Variants in FRMD7 observed in about 807,000 individuals in gnomAD.
FRMD7 encodes the protein FERM domain-containing protein 7.
Under a neutral mutation model 44.1 loss-of-function variants are expected in FRMD7, and 14 were observed. The observed-to-expected ratio is 0.32, with a 90% CI of 0.21 to 0.50. The LOEUF (loss-of-function observed/expected upper bound fraction) is 0.50, where lower values mean the gene tolerates loss of function less well. Ranked by LOEUF, FRMD7 falls within the 20% of genes least tolerant of loss-of-function variation. The pLI, the probability that FRMD7 is intolerant of heterozygous loss-of-function variation, is 0.99. For missense variants in FRMD7, 501 were observed against 522.3 expected (o/e 0.96, Z 0.40); for synonymous variants, 212 against 187.4 (o/e 1.13, Z -1.07).
intron 1 of FRMD7, among the ~76,000 whole-genome samples, chrX:132,121,234 A>G (rs1392304413): frequency 8.9e-6 from 1 of 111,871 alleles, no homozygotes; most frequent in Non-Finnish European, 1.9e-5. Context: ...CCATCTAATC[A>G]ATGTCCAGAC....
chrX:132,116,328 T>C (rs1164968477), intron 1 of FRMD7, among the ~76,000 whole-genome samples: 1 of 111,911 alleles, frequency 8.9e-6, no homozygotes, highest in Non-Finnish European at 1.9e-5. Flanking sequence ...CCCACTGAGC[T>C]CCAAAGAATG....
At chrX:132,099,614 A>T in intron 2 of FRMD7, 104 bp from the exon 3 acceptor site, 1 of 542,498 alleles carries the variant, frequency 1.8e-6, no homozygotes, top group Non-Finnish European at 3.1e-6. Flanking sequence ...GAGTACCAGG[A>T]CTATTTAGAC....
intron 5 of FRMD7, among the ~76,000 whole-genome samples, chrX:132,093,220 G>A (rs937713908): frequency 8.0e-5 from 9 of 111,992 alleles, no homozygotes; most frequent in Non-Finnish European, 1.3e-4. Flanking sequence ...TTAGAAATCT[G>A]TCATTTCTGG....
rs1166841687 is a variant in FRMD7 at position 132,077,942 on chromosome X, T to C, written c.2075A>G (p.Asp692Gly). The change falls in exon 12 of 12, where the codon GAT becomes GGT. Residue 692 changes from aspartate to glycine, a missense_variant. By Grantham distance (94) the Asp-to-Gly change is moderately conservative. Around this residue, in one of 3 missense-constraint regions of FRMD7, gnomAD observed 453 missense variants for 452.7 expected, o/e 1.00. Coordinates refer to ENST00000298542, the MANE Select transcript of FRMD7 (RefSeq NM_194277.3). ...GSLQLDEEDE[D>G]AYFNTPTAED... ...AGCAGTTGGTGTGTTGAAATAAGCA[T>C]CTTCATCTTCTTCATCTAACTGTAG... 1 of 1,209,130 alleles carries C rather than the reference T, an allele frequency of 8.3e-7. No individual in the cohort carries two copies. The highest frequency in any genetic ancestry group is 3.0e-5 in the East Asian group (1 of 33,750).
At chrX:132,092,180 T>A (rs1928197146) in intron 5 of FRMD7, among the ~76,000 whole-genome samples, 1 of 111,436 alleles carries the variant, frequency 9.0e-6, no homozygotes, top group Admixed American at 9.5e-5. Flanking sequence ...ACTGAGGGAG[T>A]TCATAAAAGA....
chrX:132,113,033 T>C (rs775834874), intron 1 of FRMD7, among the ~76,000 whole-genome samples: 52 of 111,040 alleles, frequency 4.7e-4, no homozygotes, highest in Non-Finnish European at 8.5e-4. Flanking sequence ...AGTAAGATTA[T>C]CAGCCTAATA....
intron 4 of FRMD7, among the ~76,000 whole-genome samples, chrX:132,095,894 G>C (rs993123681): frequency 1.8e-5 from 2 of 112,781 alleles, no homozygotes; most frequent in African/African-American, 6.4e-5. Context: ...TAGCATGAAA[G>C]AAAGGGAACT....
At chrX:132,125,592 A>G (rs1417349977) in intron 1 of FRMD7, among the ~76,000 whole-genome samples, 1 of 111,611 alleles carries the variant, frequency 9.0e-6, no homozygotes, top group Admixed American at 9.5e-5. Flanking sequence ...TGCTTTTTTA[A>G]GTGTTTGAAT....
At chrX:132,107,630 A>AGAGG (rs1556025759) in intron 1 of FRMD7, among the ~76,000 whole-genome samples, 1 of 109,331 alleles carries the variant, frequency 9.1e-6, no homozygotes, top group East Asian at 2.8e-4. Context: ...AGAGAGAGAG[A>AGAGG]GAGGGAGGGA....
Position 132,078,289 on chromosome X carries a change from A to G in FRMD7, c.1728T>C (p.Asp576=). 8.3e-7 allele frequency: 1 copy of G among 1,211,463 alleles called. No homozygotes were observed. The highest frequency in any genetic ancestry group is 1.1e-6 in the Non-Finnish European group (1 of 895,115). The change falls in exon 12 of 12, where the codon GAT becomes GAC. Residue 576 remains aspartate (D), a synonymous_variant. Coordinates refer to ENST00000298542, the MANE Select transcript of FRMD7 (RefSeq NM_194277.3). The part of the protein sequence containing the change: ...GLEEEDPNLE[D]AFVCNIQEQT... ...GCTCTTGAATGTTACATACAAATGC[A>G]TCTTCCAAATTTGGGTCTTCCTCTT...
At chrX:132,123,111 C>G (rs754092003) in intron 1 of FRMD7, among the ~76,000 whole-genome samples, 24 of 96,019 alleles carry the variant, frequency 2.5e-4, no homozygotes, top group Non-Finnish European at 4.2e-4. Flanking sequence ...CAATCTACCT[C>G]TCGATCTTCA....
intron 4 of FRMD7, among the ~76,000 whole-genome samples, chrX:132,095,648 A>G (rs916631217): frequency 9.8e-5 from 11 of 112,200 alleles, no homozygotes; most frequent in Non-Finnish European, 2.1e-4. Flanking sequence ...CTCTCCTTAT[A>G]CATTAGAAAC....
chrX:132,102,473 G>T (rs993725120), intron 1 of FRMD7, among the ~76,000 whole-genome samples: 3 of 111,849 alleles, frequency 2.7e-5, no homozygotes, highest in Non-Finnish European at 5.6e-5. Context: ...AAGGGAATGG[G>T]GTTGCCAGGG....
At position 132,094,144 on chromosome X, in the gene FRMD7, A is replaced by G; in HGVS notation, c.285-5T>C. 5.9e-6 allele frequency: 6 copies of G among 1,020,324 alleles called. No individual in the cohort carries two copies. Among genetic ancestry groups the G allele is most frequent in the Non-Finnish European group, 8.3e-6 (6 of 721,181 alleles). The allele number at this position is 1,020,324 out of a possible 1,213,427, so 84.1% of individuals were successfully genotyped here. ...ATTTGAAGAGTAAAAAGATACCTGC[A>G]AAGAAATTGGGGAGAATCTCTTGAG... On this transcript the variant is annotated splice_region_variant and splice_polypyrimidine_tract_variant and intron_variant, in intron 4 of 11. Coordinates refer to ENST00000298542, the MANE Select transcript of FRMD7 (RefSeq NM_194277.3).
At chrX:132,115,725 A>T (rs1451706265) in intron 1 of FRMD7, among the ~76,000 whole-genome samples, 1 of 112,186 alleles carries the variant, frequency 8.9e-6, no homozygotes, top group Middle Eastern at 4.6e-3. Context: ...CTATTTAAAA[A>T]TCAAAACCAA....
intron 1 of FRMD7, among the ~76,000 whole-genome samples, chrX:132,105,148 A>T (rs1377288967): frequency 8.9e-6 from 1 of 111,816 alleles, no homozygotes; most frequent in African/African-American, 3.3e-5. Flanking sequence ...ACTGGAAATC[A>T]TCGATGACAG....
intron 1 of FRMD7, among the ~76,000 whole-genome samples, chrX:132,104,410 G>T (rs929338092): frequency 1.8e-5 from 2 of 111,306 alleles, no homozygotes; most frequent in African/African-American, 6.5e-5. Flanking sequence ...TGGCAGATGC[G>T]GGCTGGGCGC....
rs1929194817 is a variant in FRMD7, at chrX:132,127,903, G to A, written c.-59C>T. 2.0e-6 allele frequency: 2 copies of A among 980,556 alleles called. No homozygotes were observed. The highest frequency in any genetic ancestry group is 3.8e-5 in the African/African-American group (2 of 52,682). 80.8% of individuals were successfully genotyped at this position (980,556 alleles called of 1,213,427 possible). ...AGAGTGCTGTGGGTGCTTTCTCCAG[G>A]AATTTCACTCCCAGCTGGATGTGGT... On this transcript the variant is annotated 5_prime_UTR_variant, in exon 1 of 12. Transcript: ENST00000298542.
intron 4 of FRMD7, chrX:132,094,371 C>T (rs1390525562): frequency 2.6e-5 from 10 of 379,269 alleles, no homozygotes; most frequent in African/African-American, 1.0e-4. Context: ...TAGGAATCAC[C>T]CTGGCCAAAT....
Sources: gnomAD v4.1 joint callset for allele counts (sites outside exome capture counted in the v4.1 genomes callset) on GRCh38, gnomAD v4.1.1 for gene constraint, gnomAD v4.1.1 regional missense constraint, MANE v1.5 for transcripts, NCBI Gene and HGNC (gene_info 2026-07-23, HGNC 2026-07-21) for gene names.